TOM1L1: variants seen among roughly 807,000 people sequenced by gnomAD.
TOM1L1 encodes target of myb1 like 1 membrane trafficking protein.
Under a neutral mutation model 63.4 loss-of-function variants are expected in TOM1L1, and 64 were observed. The observed-to-expected ratio is 1.01, with a 90% CI of 0.83 to 1.24. The LOEUF (loss-of-function observed/expected upper bound fraction) is 1.24. Among genes scored for constraint, TOM1L1 ranks in the 50% most tolerant of loss-of-function variants. The pLI, the probability that TOM1L1 is intolerant of heterozygous loss-of-function variation, is 0.00. For missense variants in TOM1L1, 536 were observed against 567.0 expected (o/e 0.95, Z 0.55); for synonymous variants, 166 against 194.4 (o/e 0.85, Z 1.22).
At chr17:54,957,931 TTAA>T (rs1190262996) in intron 14 of TOM1L1, 1 of 152,210 alleles carries the variant, frequency 6.6e-6, no homozygotes, top group African/African-American at 2.4e-5. Flanking sequence ...AAAATTTGTG[TTAA>T]TGTTATGAAA....
At chr17:54,927,157 G>A (rs1193528114) in intron 7 of TOM1L1, among the ~76,000 whole-genome samples, 2 of 152,216 alleles carry the variant, frequency 1.3e-5, no homozygotes, top group Non-Finnish European at 2.9e-5. Flanking sequence ...TAGTTTTAGA[G>A]TAGGTGGGGA....
chr17:54,943,556 A>C (rs2049066865), intron 11 of TOM1L1, among the ~76,000 whole-genome samples: 1 of 151,616 alleles, frequency 6.6e-6, no homozygotes, highest in Non-Finnish European at 1.5e-5. Context: ...TTTTGTTAGC[A>C]AAATATATAT....
At chr17:54,958,043 A>G in intron 14 of TOM1L1, 1 of 152,208 alleles carries the variant, frequency 6.6e-6, no homozygotes, top group East Asian at 1.9e-4. Context: ...TTCTTAGTTA[A>G]GTGAAAAGTT....
intron 10 of TOM1L1, chr17:54,938,697 C>A (rs145838529): frequency 3.1e-4 from 120 of 385,476 alleles, no homozygotes; most frequent in Non-Finnish European, 4.6e-4. Flanking sequence ...CAGGGAAATT[C>A]TTTCTCTCTC....
At position 54,949,203 on chromosome 17, in the gene TOM1L1, A is replaced by ATTTTTTTTTTT. The variant is rs58407367; in HGVS notation, c.1183-309_1183-299dup. 5.9e-3 allele frequency among the ~76,000 whole-genome samples: 727 copies of ATTTTTTTTTTT among 122,190 alleles called. 9 individuals carry two copies. Among genetic ancestry groups the ATTTTTTTTTTT allele is most frequent in the African/African-American group, 7.2e-3 (226 of 31,446 alleles). 80.2% of individuals were successfully genotyped at this position (122,190 alleles called of 152,430 possible). ...CAGGTGTGAGCCACCATGCCCAGCT[A>ATTTTTTTTTTT]TTTTTTTTTTTTTTTTGTAGAGTTG... On this transcript the variant is annotated intron_variant, in intron 12 of 15. Coordinates refer to ENST00000575882, the MANE Select transcript of TOM1L1 (RefSeq NM_005486.3).
intron 14 of TOM1L1, 152 bp downstream of exon 14, chr17:54,950,278 T>C: frequency 1.7e-6 from 1 of 596,844 alleles, no homozygotes; most frequent in Non-Finnish European, 2.9e-6. Flanking sequence ...TTATGGCAGC[T>C]GTTACTCTTA....
chr17:54,944,245 T>G (rs1045108528), intron 11 of TOM1L1, among the ~76,000 whole-genome samples: 2 of 151,100 alleles, frequency 1.3e-5, no homozygotes, highest in South Asian at 2.1e-4. Flanking sequence ...GCCAGGAGTT[T>G]GAGACCAGCG....
chr17:54,949,556 T>C lies in TOM1L1; in HGVS notation c.1221T>C (p.Val407=), dbSNP rs772510351. The C allele has an allele frequency of 8.1e-6, 13 of 1,614,058 alleles. No homozygotes were observed. In the Admixed American group the frequency reaches 2.0e-4, roughly 25 times the overall value. The part of the protein sequence containing the change: ...EHSNSVFLQP[V]SLQTIAAAPS... ...CAAATTCAGTGTTTCTACAGCCAGT[T>C]AGTCTACAAACCATTGCAGCAGCAC... Residue 407 remains valine, a synonymous_variant, in exon 13 of 16, where the codon GTT becomes GTC. Transcript: ENST00000575882.
chr17:54,943,479 T>TGTGTGTGTGTGTGTGTGTGA (rs748237003), intron 11 of TOM1L1, among the ~76,000 whole-genome samples: 1 of 150,208 alleles, frequency 6.7e-6, no homozygotes, highest in African/African-American at 2.5e-5. Context: ...TGTGTGTGTG[T>TGTGTGTGTGTGTGTGTGTGA]GAAATAAAGT....
intron 14 of TOM1L1, 82 bp downstream of exon 14, chr17:54,950,208 T>A: frequency 1.9e-6 from 2 of 1,059,636 alleles, no homozygotes; most frequent in East Asian, 5.1e-5. Flanking sequence ...GGTTATACAT[T>A]TAACTTTGTT....
chr17:54,917,115 A>C (rs960109340), intron 7 of TOM1L1: 2 of 152,220 alleles, frequency 1.3e-5, no homozygotes, highest in Non-Finnish European at 2.9e-5. Flanking sequence ...ATATATGTAC[A>C]TGTGTGCAGA....
At chr17:54,923,354 A>G (rs2143823212) in intron 7 of TOM1L1, among the ~76,000 whole-genome samples, 1 of 152,084 alleles carries the variant, frequency 6.6e-6, no homozygotes, top group South Asian at 2.1e-4. Context: ...AGCGGTATGC[A>G]GTACTACTAG....
At chr17:54,941,266 TTATG>T (rs1230716085) in intron 11 of TOM1L1, among the ~76,000 whole-genome samples, 1 of 152,218 alleles carries the variant, frequency 6.6e-6, no homozygotes, top group Non-Finnish European at 1.5e-5. Flanking sequence ...GTTTAAATAC[TTATG>T]TACCCAATCA....
chr17:54,904,501 C>T (rs1026607844), intron 2 of TOM1L1, among the ~76,000 whole-genome samples: 12 of 152,030 alleles, frequency 7.9e-5, no homozygotes, highest in Non-Finnish European at 1.8e-4. Context: ...CCGGTGGTGA[C>T]CTATTTCTGA....
At chr17:54,914,191 C>T (rs1051621730) in intron 5 of TOM1L1, among the ~76,000 whole-genome samples, 1 of 152,102 alleles carries the variant, frequency 6.6e-6, no homozygotes, top group African/African-American at 2.4e-5. Flanking sequence ...GCTTTCACCT[C>T]TCCACCCAAG....
At chr17:54,903,685 A>G in intron 1 of TOM1L1, 23 bp from the exon 2 acceptor site, 12 of 1,603,510 alleles carry the variant, frequency 7.5e-6, no homozygotes, top group Non-Finnish European at 1.0e-5. Context: ...TGTAGCTCAG[A>G]CTCAACAGCT....
chr17:54,931,319 C>CT (rs1264673497), intron 8 of TOM1L1, among the ~76,000 whole-genome samples: 2 of 151,888 alleles, frequency 1.3e-5, no homozygotes, highest in African/African-American at 2.4e-5. Context: ...GAGGGTTGGG[C>CT]TTTTTTTGAG....
chr17:54,956,606 G>C (rs1433374731), intron 14 of TOM1L1, among the ~76,000 whole-genome samples: 1 of 151,928 alleles, frequency 6.6e-6, no homozygotes, highest in East Asian at 1.9e-4. Context: ...ACCGTGCCTA[G>C]CCTTTTAATT....
intron 11 of TOM1L1, 98 bp from the exon 12 acceptor site, chr17:54,947,163 C>A: frequency 1.8e-6 from 2 of 1,134,244 alleles, no homozygotes; most frequent in Admixed American, 1.7e-5. Flanking sequence ...TCTGAAGGTA[C>A]CTTTTAGGTT....
Sources: gnomAD v4.1 joint callset for allele counts (sites outside exome capture counted in the v4.1 genomes callset) on GRCh38, gnomAD v4.1.1 for gene constraint, MANE v1.5 for transcripts, NCBI Gene and HGNC (gene_info 2026-07-23, HGNC 2026-07-21) for gene names.